GRM3: variants seen among roughly 807,000 people sequenced by gnomAD.
GRM3 encodes the protein glutamate metabotropic receptor 3, also known as metabotropic glutamate receptor 3.
In GRM3, 26 loss-of-function variants were observed where a neutral mutation model predicts 70.5. That is an observed-to-expected ratio of 0.37 (90% CI 0.27 to 0.51). The LOEUF is 0.51. GRM3 is among the 20% of genes least tolerant of loss of function. The pLI, the probability that GRM3 is intolerant of heterozygous loss-of-function variation, is 0.93. For missense variants in GRM3, 859 were observed against 1,123.8 expected (o/e 0.76, Z 3.37); for synonymous variants, 443 against 434.9 (o/e 1.02, Z -0.23).
At chr7:86,777,714 A>G (rs937672995) in intron 2 of GRM3, among the ~76,000 whole-genome samples, 2 of 152,230 alleles carry the variant, frequency 1.3e-5, no homozygotes, top group Non-Finnish European at 2.9e-5. Context: ...CCTTTTAGCA[A>G]TAACAATATG....
At chr7:86,746,806 T>C (rs779984232) in intron 1 of GRM3, among the ~76,000 whole-genome samples, 5 of 152,068 alleles carry the variant, frequency 3.3e-5, no homozygotes, top group African/African-American at 4.8e-5. Context: ...ATCAGCTTTT[T>C]TGAATAATAG....
intron 3 of GRM3, among the ~76,000 whole-genome samples, chr7:86,813,803 A>G (rs1051827896): frequency 6.6e-6 from 1 of 151,656 alleles, no homozygotes; most frequent in Admixed American, 6.6e-5. Flanking sequence ...TACCTTGGCA[A>G]TTTAAGACCT....
At chr7:86,816,776 C>T (rs993137971) in intron 3 of GRM3, among the ~76,000 whole-genome samples, 1 of 151,730 alleles carries the variant, frequency 6.6e-6, no homozygotes, top group Non-Finnish European at 1.5e-5. Context: ...TGCCTTTATG[C>T]TACTCCAGAC....
chr7:86,771,351 A>G (rs751100272), intron 2 of GRM3, among the ~76,000 whole-genome samples: 2 of 152,118 alleles, frequency 1.3e-5, no homozygotes, highest in Non-Finnish European at 1.5e-5. Flanking sequence ...GGGCTCTTTT[A>G]TATCGGGATC....
intron 1 of GRM3, among the ~76,000 whole-genome samples, chr7:86,736,179 G>A (rs538758482): frequency 3.3e-5 from 5 of 152,076 alleles, no homozygotes; most frequent in South Asian, 2.1e-4. Flanking sequence ...AAAAGCTAAC[G>A]GATACATGGT....
chr7:86,845,974 C>A (rs1798648042), intron 4 of GRM3, among the ~76,000 whole-genome samples: 1 of 152,138 alleles, frequency 6.6e-6, no homozygotes, highest in African/African-American at 2.4e-5. Context: ...TGTTTTGCTT[C>A]TTTTTGATAC....
chr7:86,709,801 CTG>C (rs749748196), intron 1 of GRM3, among the ~76,000 whole-genome samples: 1 of 152,000 alleles, frequency 6.6e-6, no homozygotes, highest in Admixed American at 6.6e-5. Context: ...CCATAAATGT[CTG>C]TAACTAAAAA....
intron 1 of GRM3, among the ~76,000 whole-genome samples, chr7:86,733,725 G>A (rs902862451): frequency 2.6e-5 from 4 of 152,252 alleles, no homozygotes; most frequent in East Asian, 3.9e-4. Context: ...AAAAACACTC[G>A]AAGAATCATG....
intron 3 of GRM3, among the ~76,000 whole-genome samples, chr7:86,801,867 C>G (rs80043027): frequency 0.054 from 8,184 of 152,034 alleles, 699 homozygotes; most frequent in African/African-American, 0.19. Context: ...AAATTGGAAC[C>G]GTAAAGTGTT....
At chr7:86,775,976 G>A (rs1181499128) in intron 2 of GRM3, 1 of 151,518 alleles carries the variant, frequency 6.6e-6, no homozygotes, top group Non-Finnish European at 1.5e-5. Flanking sequence ...ATGTTTCTTT[G>A]TCTCCCATCA....
chr7:86,759,116 T>A (rs1014691430), intron 1 of GRM3, among the ~76,000 whole-genome samples: 5 of 152,146 alleles, frequency 3.3e-5, no homozygotes, highest in Non-Finnish European at 5.9e-5. Flanking sequence ...TGCATAAGCC[T>A]GGCCTCCTCT....
At chr7:86,728,715 C>G (rs1562840839) in intron 1 of GRM3, among the ~76,000 whole-genome samples, 1 of 152,142 alleles carries the variant, frequency 6.6e-6, no homozygotes, top group Non-Finnish European at 1.5e-5. Context: ...TTGCCACACA[C>G]AGAGCAGGGC....
intron 4 of GRM3, among the ~76,000 whole-genome samples, chr7:86,845,704 A>G (rs1436525999): frequency 6.6e-6 from 1 of 152,152 alleles, no homozygotes; most frequent in African/African-American, 2.4e-5. Flanking sequence ...CAGCACAGTG[A>G]GAGAGCAGCT....
At chr7:86,821,365 A>T (rs1010936495) in intron 3 of GRM3, among the ~76,000 whole-genome samples, 2 of 152,194 alleles carry the variant, frequency 1.3e-5, no homozygotes, top group Non-Finnish European at 2.9e-5. Flanking sequence ...ACAGTGGTGG[A>T]AACAGAGTCA....
At chr7:86,656,843 C>T (rs1793757736) in intron 1 of GRM3, among the ~76,000 whole-genome samples, 1 of 152,040 alleles carries the variant, frequency 6.6e-6, no homozygotes, top group Admixed American at 6.6e-5. Context: ...GAATCAATGT[C>T]TACAAAATAA....
chr7:86,650,885 T>C (rs1322123940), intron 1 of GRM3, among the ~76,000 whole-genome samples: 2 of 152,224 alleles, frequency 1.3e-5, no homozygotes, highest in African/African-American at 4.8e-5. Flanking sequence ...AGTTTTGTAG[T>C]ATAGTAAAAT....
Position 86,746,769 on chromosome 7 carries a change from A to G in GRM3, c.-140-18237A>G, listed in dbSNP as rs146683725. Reference sequence around the variant, plus strand: ...CAGAGATGCAGTGGTATTTTTAGTGATTCTTGGGTACAGCAGCCCATTTGG... The same window carrying G: ...CAGAGATGCAGTGGTATTTTTAGTGGTTCTTGGGTACAGCAGCCCATTTGG... On this transcript the variant is annotated intron_variant, in intron 1 of 5. Coordinates refer to ENST00000361669, the MANE Select transcript of GRM3 (RefSeq NM_000840.3). Among the ~76,000 whole-genome samples, 749 of 152,154 alleles carry G rather than the reference A, an allele frequency of 4.9e-3. 4 individuals carry two copies. Among genetic ancestry groups the G allele is most frequent in the Middle Eastern group, 0.014 (4 of 294 alleles).
At chr7:86,681,647 G>A (rs1327975438) in intron 1 of GRM3, among the ~76,000 whole-genome samples, 1 of 152,044 alleles carries the variant, frequency 6.6e-6, no homozygotes, top group Non-Finnish European at 1.5e-5. Context: ...TATGCCTGAG[G>A]AAATAGTATA....
chr7:86,823,076 G>A (rs1798155210), intron 3 of GRM3, among the ~76,000 whole-genome samples: 1 of 152,112 alleles, frequency 6.6e-6, no homozygotes, highest in Admixed American at 6.6e-5. Flanking sequence ...TTAGAGAATT[G>A]TGAACCAGAA....
Sources: gnomAD v4.1 joint callset for allele counts (sites outside exome capture counted in the v4.1 genomes callset) on GRCh38, gnomAD v4.1.1 for gene constraint, MANE v1.5 for transcripts, NCBI Gene and HGNC (gene_info 2026-07-23, HGNC 2026-07-21) for gene names.